Variants in STIM1 observed in about 807,000 individuals in gnomAD.
STIM1 encodes the protein stromal interaction molecule 1.
A neutral mutation model predicts 74.7 loss-of-function variants in STIM1; 25 were observed. That is an observed-to-expected ratio of 0.33 (90% CI 0.24 to 0.47). The LOEUF is 0.47. Ranked by LOEUF, STIM1 falls within the 20% of genes least tolerant of loss-of-function variation. STIM1 has a pLI of 1.00. For missense variants in STIM1, 728 were observed against 920.8 expected (o/e 0.79, Z 2.71); for synonymous variants, 328 against 348.8 (o/e 0.94, Z 0.66).
chr11:3,884,805 T>C (rs1474370082), intron 1 of STIM1, among the ~76,000 whole-genome samples: 1 of 151,998 alleles, frequency 6.6e-6, no homozygotes, highest in Non-Finnish European at 1.5e-5. Context: ...GGGGTATGTT[T>C]GTATAATGGA....
At chr11:4,000,077 C>A (rs2093699280) in intron 2 of STIM1, among the ~76,000 whole-genome samples, 1 of 152,104 alleles carries the variant, frequency 6.6e-6, no homozygotes, top group Non-Finnish European at 1.5e-5. Context: ...AACAAAGCAG[C>A]CGGGAAGCTT....
intron 7 of STIM1, among the ~76,000 whole-genome samples, chr11:4,079,029 C>T (rs1399848863): frequency 6.6e-6 from 1 of 152,026 alleles, no homozygotes; most frequent in Non-Finnish European, 1.5e-5. Flanking sequence ...CAGTGGCTCA[C>T]GCCTGTAATC....
intron 12 of STIM1, chr11:4,086,921 G>A (rs1369484146): frequency 1.3e-6 from 2 of 1,489,772 alleles, no homozygotes. Flanking sequence ...TTTTACCTTG[G>A]TTTCTGCCTG....
intron 1 of STIM1, among the ~76,000 whole-genome samples, chr11:3,878,484 A>T (rs2091379125): frequency 1.3e-5 from 2 of 151,934 alleles, no homozygotes; most frequent in South Asian, 4.1e-4. Flanking sequence ...CCTATGAAAG[A>T]TAATTATTAC....
chr11:4,080,706 T>C (rs1398328171), intron 7 of STIM1, among the ~76,000 whole-genome samples: 1 of 152,200 alleles, frequency 6.6e-6, no homozygotes, highest in East Asian at 1.9e-4. Context: ...GCTCAAGTGA[T>C]CCTCCTGCTT....
chr11:4,019,418 A>T (rs552224073), intron 2 of STIM1, among the ~76,000 whole-genome samples: 1 of 152,198 alleles, frequency 6.6e-6, no homozygotes, highest in Non-Finnish European at 1.5e-5. Flanking sequence ...TGACGCCTGT[A>T]ATCCGAGCAC....
intron 6 of STIM1, among the ~76,000 whole-genome samples, chr11:4,073,629 A>G (rs965468204): frequency 3.3e-5 from 5 of 152,242 alleles, no homozygotes; most frequent in African/African-American, 1.2e-4. Context: ...TGAGTGTATT[A>G]ACATAGATAG....
At chr11:4,028,967 C>A (rs530818941) in intron 3 of STIM1, among the ~76,000 whole-genome samples, 1 of 152,030 alleles carries the variant, frequency 6.6e-6, no homozygotes, top group African/African-American at 2.4e-5. Context: ...GCAGGCAGAT[C>A]ATGAGGTCAG....
At chr11:3,877,532 A>C (rs1465412930) in intron 1 of STIM1, among the ~76,000 whole-genome samples, 1 of 152,162 alleles carries the variant, frequency 6.6e-6, no homozygotes, top group Admixed American at 6.6e-5. Context: ...AATAATTGTT[A>C]GTTATAGCTT....
intron 1 of STIM1, among the ~76,000 whole-genome samples, chr11:3,955,422 G>A (rs1263078532): frequency 6.6e-6 from 1 of 152,186 alleles, no homozygotes; most frequent in East Asian, 1.9e-4. Context: ...GTCAAAAACA[G>A]GTAAAACTCG....
At chr11:4,018,639 C>G (rs1050579225) in intron 2 of STIM1, among the ~76,000 whole-genome samples, 1 of 135,142 alleles carries the variant, frequency 7.4e-6, no homozygotes, top group Admixed American at 7.5e-5. Context: ...GAATGAAACT[C>G]TGTCTCAAAA....
At chr11:3,942,561 G>A (rs2093024262) in intron 1 of STIM1, among the ~76,000 whole-genome samples, 1 of 152,122 alleles carries the variant, frequency 6.6e-6, no homozygotes, top group African/African-American at 2.4e-5. Flanking sequence ...GGGCCTAGCT[G>A]GAACATGGGT....
chr11:3,952,623 G>C (rs966674739), intron 1 of STIM1, among the ~76,000 whole-genome samples: 3 of 152,160 alleles, frequency 2.0e-5, no homozygotes, highest in Non-Finnish European at 4.4e-5. Flanking sequence ...AATAATTAGG[G>C]ATTGGGGAAA....
chr11:3,856,983 A>C (rs1451718), intron 1 of STIM1, among the ~76,000 whole-genome samples: 149,075 of 152,210 alleles, frequency 0.98, 73,060 homozygotes, highest in East Asian at 1. Context: ...TCCTATTTAC[A>C]ACTAGGGTGT....
At chr11:4,011,551 C>T (rs1159464372) in intron 2 of STIM1, among the ~76,000 whole-genome samples, 2 of 152,110 alleles carry the variant, frequency 1.3e-5, no homozygotes, top group Non-Finnish European at 2.9e-5. Flanking sequence ...TCATATTCTT[C>T]ACCTACTTTT....
chr11:4,038,767 A>G (rs1461676543), intron 3 of STIM1, among the ~76,000 whole-genome samples: 2 of 152,176 alleles, frequency 1.3e-5, no homozygotes, highest in South Asian at 2.1e-4. Flanking sequence ...TTCTTGGCCC[A>G]GCCTAGCTCT....
chr11:4,016,932 C>A (rs903219747), intron 2 of STIM1, among the ~76,000 whole-genome samples: 2 of 152,202 alleles, frequency 1.3e-5, no homozygotes, highest in Admixed American at 1.3e-4. Flanking sequence ...GGGAAAAGTG[C>A]GGTATTTGGG....
Position 3,992,234 on chromosome 11 carries a change from C to G in STIM1, c.270+24552C>G, listed in dbSNP as rs1344398365. ...GACCAGCCAGGGCAATGTGGCAGAA[C>G]TTGGTCTCTACAAAAAAAAAAACAC... On this transcript the variant is annotated intron_variant, in intron 2 of 12. Transcript: ENST00000526596. 2.7e-5 allele frequency among the ~76,000 whole-genome samples: 4 copies of G among 148,774 alleles called. No individual in the cohort carries two copies. The Admixed American group carries it at 2.7e-4, about 10-fold the overall frequency.
At chr11:4,045,762 CTTTTTTTTTTT>C (rs35939527) in intron 3 of STIM1, among the ~76,000 whole-genome samples, 4 of 104,488 alleles carry the variant, frequency 3.8e-5, no homozygotes, top group East Asian at 5.7e-4. Context: ...CTCAACACTT[CTTTTTTTTTTT>C]TTTTTTTTTT....
Sources: gnomAD v4.1 joint callset for allele counts (sites outside exome capture counted in the v4.1 genomes callset) on GRCh38, gnomAD v4.1.1 for gene constraint, MANE v1.5 for transcripts, NCBI Gene and HGNC (gene_info 2026-07-23, HGNC 2026-07-21) for gene names.